Variants in CNTNAP2 observed in about 807,000 individuals in gnomAD.
The protein encoded by CNTNAP2 is contactin associated protein 2.
Under a neutral mutation model 155.2 loss-of-function variants are expected in CNTNAP2, and 98 were observed. That is an observed-to-expected ratio of 0.63 (90% CI 0.54 to 0.75). The LOEUF (loss-of-function observed/expected upper bound fraction) is 0.75. CNTNAP2 is among the 30% of genes least tolerant of loss of function. The pLI is 0.00. For synonymous variants in CNTNAP2, 651 were observed against 631.2 expected, an observed-to-expected ratio of 1.03 and a Z score of -0.47; for missense variants, 1,727 against 1,688.1, an observed-to-expected ratio of 1.02 and a Z score of -0.40.
At chr7:146,646,392 A>G (rs1799812526) in intron 1 of CNTNAP2, among the ~76,000 whole-genome samples, 2 of 152,152 alleles carry the variant, frequency 1.3e-5, no homozygotes, top group Admixed American at 1.3e-4. Flanking sequence ...ATTTTTAATT[A>G]TTTACATTAA....
intron 14 of CNTNAP2, among the ~76,000 whole-genome samples, chr7:147,975,744 A>G (rs2116861982): frequency 6.6e-6 from 1 of 152,268 alleles, no homozygotes; most frequent in South Asian, 2.1e-4. Flanking sequence ...CTTTGCATTT[A>G]TTCTCAGTAC....
At position 146,483,728 on chromosome 7, in the gene CNTNAP2, A is replaced by G. The variant is rs1172169899; in HGVS notation, c.98-290543A>G. Among the ~76,000 whole-genome samples, 5 of 152,082 alleles carry G rather than the reference A, an allele frequency of 3.3e-5. No homozygotes were observed. The East Asian group carries it at 9.6e-4, about 29-fold the overall frequency. On this transcript the variant is annotated intron_variant, in intron 1 of 23. Coordinates refer to ENST00000361727, the MANE Select transcript of CNTNAP2 (RefSeq NM_014141.6). The stretch of plus-strand genomic sequence containing the variant: ...AATAGAAAAAAATTATAAAATAGGG[A>G]TATAAAGAAAATATTTTTGTACAGC...
chr7:147,635,268 A>G (rs1243779762), intron 12 of CNTNAP2, among the ~76,000 whole-genome samples: 1 of 150,712 alleles, frequency 6.6e-6, no homozygotes, highest in Middle Eastern at 3.2e-3. Context: ...TATAAGCTCC[A>G]AAACTTTTTT....
At chr7:147,725,090 ACT>A (rs780865603) in intron 13 of CNTNAP2, among the ~76,000 whole-genome samples, 10 of 151,738 alleles carry the variant, frequency 6.6e-5, no homozygotes, top group East Asian at 5.9e-4. Flanking sequence ...TACTTCCAAG[ACT>A]CTCCCACTCC....
At chr7:147,728,665 C>T (rs549313582) in intron 13 of CNTNAP2, among the ~76,000 whole-genome samples, 2 of 151,906 alleles carry the variant, frequency 1.3e-5, no homozygotes, top group East Asian at 1.9e-4. Flanking sequence ...GCAATGTATG[C>T]GATAATAATA....
chr7:147,560,155 C>T lies in CNTNAP2; in HGVS notation c.1778-1983C>T, dbSNP rs375224247. Among the ~76,000 whole-genome samples the T allele has an allele frequency of 1.9e-3, 84 of 45,202 alleles. 1 individual carries two copies. In the East Asian group the frequency reaches 0.065, roughly 35 times the overall value. 29.7% of individuals were successfully genotyped at this position (45,202 alleles called of 152,430 possible). On this transcript the variant is annotated intron_variant, in intron 11 of 23. Transcript: ENST00000361727. ...TGCATTCCAGCCTGGGCAACAAGAA[C>T]GAAACTCCGTCTCAAAAAAAAAAAA...
chr7:147,234,564 C>A (rs1357343481), intron 8 of CNTNAP2, among the ~76,000 whole-genome samples: 1 of 152,084 alleles, frequency 6.6e-6, no homozygotes, highest in Non-Finnish European at 1.5e-5. Flanking sequence ...TGGTCTCGAT[C>A]TCCTGACCTC....
intron 1 of CNTNAP2, among the ~76,000 whole-genome samples, chr7:146,428,871 G>A (rs1469170702): frequency 4.6e-5 from 7 of 151,908 alleles, no homozygotes; most frequent in African/African-American, 7.3e-5. Context: ...TTCTATGACT[G>A]TTATAGTTTG....
intron 1 of CNTNAP2, among the ~76,000 whole-genome samples, chr7:146,420,440 T>G (rs1488542299): frequency 6.6e-6 from 1 of 152,062 alleles, no homozygotes; most frequent in African/African-American, 2.4e-5. Context: ...ACAGGTGCAA[T>G]AGTGAATTCG....
At chr7:146,214,870 G>A (rs1799089800) in intron 1 of CNTNAP2, among the ~76,000 whole-genome samples, 1 of 152,118 alleles carries the variant, frequency 6.6e-6, no homozygotes, top group African/African-American at 2.4e-5. Flanking sequence ...GGATTTTAAT[G>A]ATAATATTGG....
intron 21 of CNTNAP2, among the ~76,000 whole-genome samples, chr7:148,322,171 C>T (rs1426693488): frequency 2.6e-5 from 4 of 152,180 alleles, no homozygotes; most frequent in Non-Finnish European, 2.9e-5. Context: ...GATCCGCCCA[C>T]CTTGGCCTCC....
At chr7:147,070,180 C>G (rs1799863127) in intron 4 of CNTNAP2, among the ~76,000 whole-genome samples, 1 of 152,134 alleles carries the variant, frequency 6.6e-6, no homozygotes, top group South Asian at 2.1e-4. Flanking sequence ...TTTGTTTTCA[C>G]TTTAAAGAAA....
intron 1 of CNTNAP2, among the ~76,000 whole-genome samples, chr7:146,226,165 G>C (rs1328938966): frequency 6.6e-6 from 1 of 152,114 alleles, no homozygotes; most frequent in Non-Finnish European, 1.5e-5. Context: ...TTCTGCCTCG[G>C]CCCTACTGAG....
intron 10 of CNTNAP2, among the ~76,000 whole-genome samples, chr7:147,451,773 A>G (rs1797837953): frequency 6.6e-6 from 1 of 152,132 alleles, no homozygotes; most frequent in African/African-American, 2.4e-5. Context: ...TCCAAAAAAA[A>G]AAAAAAAACT....
intron 10 of CNTNAP2, among the ~76,000 whole-genome samples, chr7:147,485,592 T>C (rs1798495910): frequency 6.6e-6 from 1 of 152,240 alleles, no homozygotes; most frequent in African/African-American, 2.4e-5. Context: ...TAAGACAGCT[T>C]ATCTTCGATC....
At chr7:147,541,382 C>G (rs572529117) in intron 11 of CNTNAP2, among the ~76,000 whole-genome samples, 2 of 152,284 alleles carry the variant, frequency 1.3e-5, no homozygotes, top group South Asian at 4.1e-4. Context: ...ATTACTGTGA[C>G]AAACAGAAGG....
intron 10 of CNTNAP2, among the ~76,000 whole-genome samples, chr7:147,407,065 C>G (rs547476653): frequency 6.6e-5 from 10 of 152,274 alleles, no homozygotes; most frequent in East Asian, 5.8e-4. Flanking sequence ...GAAGACCCCC[C>G]CCTCTGGGAA....
At chr7:146,606,120 G>A (rs1799043039) in intron 1 of CNTNAP2, among the ~76,000 whole-genome samples, 1 of 151,950 alleles carries the variant, frequency 6.6e-6, no homozygotes, top group Admixed American at 6.6e-5. Flanking sequence ...ATGCATTGTT[G>A]GCATCCAACC....
At chr7:147,991,016 A>T (rs1801702963) in intron 15 of CNTNAP2, among the ~76,000 whole-genome samples, 1 of 152,104 alleles carries the variant, frequency 6.6e-6, no homozygotes, top group African/African-American at 2.4e-5. Context: ...GCCCACCATG[A>T]GTCACCTTAT....
Sources: gnomAD v4.1 joint callset for allele counts (sites outside exome capture counted in the v4.1 genomes callset) on GRCh38, gnomAD v4.1.1 for gene constraint, MANE v1.5 for transcripts, NCBI Gene and HGNC (gene_info 2026-07-23, HGNC 2026-07-21) for gene names.